The following GABRG3 variants were observed in gnomAD, a reference collection of about 807,000 sequenced individuals.
GABRG3 encodes the protein gamma-aminobutyric acid receptor subunit gamma-3.
Under a neutral mutation model 48.8 loss-of-function variants are expected in GABRG3, and 25 were observed. The observed-to-expected ratio is 0.51, with a 90% CI of 0.37 to 0.72. The LOEUF (loss-of-function observed/expected upper bound fraction) is 0.72. Ranked by LOEUF, GABRG3 falls within the 30% of genes least tolerant of loss-of-function variation. GABRG3 has a pLI of 0.00. For missense variants in GABRG3, 394 were observed against 577.9 expected, an observed-to-expected ratio of 0.68 and a Z score of 3.26; for synonymous variants, 227 against 217.6, an observed-to-expected ratio of 1.04 and a Z score of -0.38.
chr15:27,328,145 G>A (rs28491109), intron 4 of GABRG3, among the ~76,000 whole-genome samples: 15,117 of 149,018 alleles, frequency 0.1, 1,874 homozygotes, highest in African/African-American at 0.3. Flanking sequence ...AAAAAAACAC[G>A]CCACAGCTGG....
chr15:27,469,829 T>A (rs1294939523), intron 5 of GABRG3, among the ~76,000 whole-genome samples: 2 of 152,174 alleles, frequency 1.3e-5, no homozygotes, highest in East Asian at 1.9e-4. Context: ...TAGCTTCAAG[T>A]TGAACTCTTG....
intron 5 of GABRG3, chr15:27,427,938 A>G (rs1433076314): frequency 1.3e-5 from 2 of 152,174 alleles, no homozygotes; most frequent in Non-Finnish European, 2.9e-5. Context: ...GCTGGAGTGC[A>G]GTGGTGCAAA....
intron 3 of GABRG3, among the ~76,000 whole-genome samples, chr15:27,101,545 A>G (rs938358688): frequency 7.2e-5 from 11 of 152,204 alleles, no homozygotes; most frequent in South Asian, 4.1e-4. Flanking sequence ...GCTATATTAT[A>G]TAGCTACATA....
chr15:27,338,065 T>C (rs1272921175), intron 5 of GABRG3, among the ~76,000 whole-genome samples: 1 of 152,156 alleles, frequency 6.6e-6, no homozygotes, highest in Non-Finnish European at 1.5e-5. Flanking sequence ...CTAGTCATTG[T>C]TTGTTACTGT....
intron 6 of GABRG3, among the ~76,000 whole-genome samples, chr15:27,518,720 G>A (rs1171364290): frequency 6.6e-6 from 1 of 152,196 alleles, no homozygotes; most frequent in Non-Finnish European, 1.5e-5. Flanking sequence ...GGGTAGACAA[G>A]ATGCCAAGAG....
intron 9 of GABRG3, chr15:27,530,842 T>C: frequency 2.7e-6 from 1 of 374,668 alleles, no homozygotes; most frequent in South Asian, 2.0e-5. Flanking sequence ...AGTGGATGAA[T>C]GTCTGGCTGA....
chr15:27,505,949 T>C lies in GABRG3; in HGVS notation c.713-14023T>C, dbSNP rs553198109. On this transcript the variant is annotated intron_variant, in intron 6 of 9. Transcript: ENST00000615808. The stretch of plus-strand genomic sequence containing the variant: ...TTAATAGATATAGGTTTATTCAGGT[T>C]ATTTATTTCTTCTTGAGTGAGTCTT... 5.8e-4 allele frequency among the ~76,000 whole-genome samples: 88 copies of C among 152,344 alleles called. 3 individuals are homozygous for C. In the South Asian group the frequency reaches 0.016, roughly 28 times the overall value.
intron 3 of GABRG3, among the ~76,000 whole-genome samples, chr15:27,207,415 TCCAAA>T: frequency 1.3e-5 from 2 of 152,212 alleles, no homozygotes; most frequent in African/African-American, 4.8e-5. Context: ...ACTCAAGCCT[TCCAAA>T]GATTCACATT....
chr15:27,021,297 C>T (rs187229295), intron 2 of GABRG3, among the ~76,000 whole-genome samples: 6 of 152,138 alleles, frequency 3.9e-5, no homozygotes, highest in East Asian at 3.9e-4. Flanking sequence ...GCAATTTTTA[C>T]GAACCATAGT....
At chr15:27,149,644 A>G (rs934086279) in intron 3 of GABRG3, among the ~76,000 whole-genome samples, 1 of 152,252 alleles carries the variant, frequency 6.6e-6, no homozygotes, top group African/African-American at 2.4e-5. Flanking sequence ...AGGCATATGC[A>G]TAAATGGAAT....
chr15:27,225,764 G>C (rs1169020500), intron 3 of GABRG3, among the ~76,000 whole-genome samples: 1 of 152,004 alleles, frequency 6.6e-6, no homozygotes, highest in East Asian at 1.9e-4. Context: ...ACCTGCCCTG[G>C]TCTTCGAGAA....
chr15:27,111,181 A>G (rs1043165630), intron 3 of GABRG3, among the ~76,000 whole-genome samples: 5 of 152,090 alleles, frequency 3.3e-5, no homozygotes, highest in Non-Finnish European at 7.3e-5. Flanking sequence ...GAGTCTACTC[A>G]TGAACTTTTC....
Position 27,098,078 on chromosome 15 carries a change from A to G in GABRG3, c.270+71257A>G, listed in dbSNP as rs556693820. Among the ~76,000 whole-genome samples, 16 of 152,180 alleles carry G rather than the reference A, an allele frequency of 1.1e-4. 1 individual carries two copies. In the East Asian group the frequency reaches 2.5e-3, roughly 24 times the overall value. ...GATTTGGAGTTATCACAATTTTAGTATTTTAAATTTTTGTTAATATGCTCT... is the reference window on the plus strand; with the variant it reads ...GATTTGGAGTTATCACAATTTTAGTGTTTTAAATTTTTGTTAATATGCTCT... On this transcript the variant is annotated intron_variant, in intron 3 of 9. Transcript: ENST00000615808.
At chr15:27,306,947 T>TATAAACATGTTTATATATAAACACATAG (rs1479529502) in intron 3 of GABRG3, among the ~76,000 whole-genome samples, 1 of 92,186 alleles carries the variant, frequency 1.1e-5, no homozygotes, top group Non-Finnish European at 2.2e-5. Flanking sequence ...TAAACATATA[T>TATAAACATGTTTATATATAAACACATAG]AATATAAACA....
chr15:27,232,017 A>G (rs1031238583), intron 3 of GABRG3, among the ~76,000 whole-genome samples: 1 of 152,226 alleles, frequency 6.6e-6, no homozygotes, highest in Non-Finnish European at 1.5e-5. Flanking sequence ...TGTACAATAA[A>G]TCATATCATA....
Position 26,975,752 on chromosome 15 carries a change from C to A in GABRG3, c.54-1250C>A, listed in dbSNP as rs1894930472. ...ATATCCCAGAGCACAAGTGTCCTGA[C>A]ATGACACTAACATTCTGGCTCCCAT... On this transcript the variant is annotated intron_variant, in intron 1 of 9. Transcript: ENST00000615808. The surrounding 1 kb of genome is among the most constrained non-coding windows in gnomAD (Gnocchi z 4.6). Among the ~76,000 whole-genome samples, 1 of 152,194 alleles carries A rather than the reference C, an allele frequency of 6.6e-6. No homozygotes were observed. The highest frequency in any genetic ancestry group is 1.5e-5 in the Non-Finnish European group (1 of 68,036).
chr15:27,395,166 C>T (rs752785961), intron 5 of GABRG3, among the ~76,000 whole-genome samples: 34 of 152,130 alleles, frequency 2.2e-4, no homozygotes, highest in Non-Finnish European at 2.1e-4. Context: ...ATCTGTTTCC[C>T]CAGACTGGTA....
chr15:27,102,787 GGTT>G (rs781510852), intron 3 of GABRG3, among the ~76,000 whole-genome samples: 1 of 152,044 alleles, frequency 6.6e-6, no homozygotes, highest in Admixed American at 6.6e-5. Flanking sequence ...TGTCATGTGT[GGTT>G]GTTAATATCT....
rs983291304 is a variant in GABRG3, at chr15:27,524,900, A to G, written c.866-2533A>G. ...TCAATGTAAATTGCTGGAACGTACC[A>G]GTAAAAAAGCAGAAATTAGCAGAGA... On this transcript the variant is annotated intron_variant, in intron 7 of 9. Transcript: ENST00000615808. Among the ~76,000 whole-genome samples, 5 of 152,350 alleles carry G rather than the reference A, an allele frequency of 3.3e-5. No homozygotes were observed. The East Asian group carries it at 5.8e-4, about 18-fold the overall frequency.
Sources: gnomAD v4.1 joint callset for allele counts (sites outside exome capture counted in the v4.1 genomes callset) on GRCh38, gnomAD v4.1.1 for gene constraint, Gnocchi (gnomAD v3.1) non-coding constraint, MANE v1.5 for transcripts, NCBI Gene and HGNC (gene_info 2026-07-23, HGNC 2026-07-21) for gene names.